Variants in ANAPC5 observed in about 807,000 individuals in gnomAD.
ANAPC5 encodes the protein anaphase promoting complex subunit 5, also known as anaphase-promoting complex subunit 5.
ANAPC5 carries 60 observed loss-of-function variants against 91.3 expected under a neutral mutation model. The ratio of observed to expected loss-of-function variants is 0.66; its 90% CI spans 0.53 to 0.81. The LOEUF (loss-of-function observed/expected upper bound fraction) is 0.81, where lower values mean the gene tolerates loss of function less well. Among genes scored for constraint, ANAPC5 ranks in the 40% least tolerant of loss-of-function variants. The pLI, the probability that ANAPC5 is intolerant of heterozygous loss-of-function variation, is 0.00. For synonymous variants in ANAPC5, 340 were observed against 364.1 expected (o/e 0.93, Z 0.75); for missense variants, 690 against 931.5 (o/e 0.74, Z 3.37).
chr12:121,312,563 C>T (rs893017566), intron 15 of ANAPC5, among the ~76,000 whole-genome samples: 11 of 151,914 alleles, frequency 7.2e-5, no homozygotes, highest in African/African-American at 2.7e-4. Flanking sequence ...AAAAATTAGC[C>T]TGGTGTGGTG....
intron 3 of ANAPC5, 197 bp downstream of exon 3, chr12:121,346,699 A>G (rs1555274720): frequency 2.4e-6 from 1 of 422,156 alleles, no homozygotes; most frequent in Non-Finnish European, 4.2e-6. Flanking sequence ...ACTATTGTAG[A>G]CAAAACAGAA....
chr12:121,327,338 AG>A, intron 10 of ANAPC5, 107 bp from the exon 11 acceptor site: 1 of 1,384,250 alleles, frequency 7.2e-7, no homozygotes, highest in Non-Finnish European at 9.7e-7. Context: ...TACACCTCAC[AG>A]GCTCTGGCTT....
Position 121,335,738 on chromosome 12 carries a change from A to G in ANAPC5, c.760-15T>C, listed in dbSNP as rs1555273401. 1.3e-6 allele frequency: 2 copies of G among 1,597,360 alleles called. No individual in the cohort carries two copies. Among genetic ancestry groups the G allele is most frequent in the Admixed American group, 3.4e-5 (2 of 59,180 alleles). On this transcript the variant is annotated splice_polypyrimidine_tract_variant and intron_variant, in intron 6 of 16. Coordinates refer to ENST00000261819, the MANE Select transcript of ANAPC5 (RefSeq NM_016237.5). The stretch of plus-strand genomic sequence containing the variant: ...CTGAGATAATGCTAAAACAAGAAAT[A>G]ATCAATGTATTTTAAACGCTGTAAA...
upstream of ANAPC5, among the ~76,000 whole-genome samples, chr12:121,354,082 G>A (rs1903999466): frequency 6.7e-6 from 1 of 148,830 alleles, no homozygotes; most frequent in Admixed American, 6.7e-5. Flanking sequence ...TCTACCTCCC[G>A]GGTTCAAGCA....
At chr12:121,318,762 T>G (rs1902471894) in intron 13 of ANAPC5, among the ~76,000 whole-genome samples, 154 bp from the exon 14 acceptor site, 1 of 152,188 alleles carries the variant, frequency 6.6e-6, no homozygotes, top group African/African-American at 2.4e-5. Context: ...GGCTCACACC[T>G]GTAATCCCAG....
At chr12:121,333,423 G>A (rs1215446209) in intron 7 of ANAPC5, 1 of 152,118 alleles carries the variant, frequency 6.6e-6, no homozygotes, top group Non-Finnish European at 1.5e-5. Context: ...AAGTTAAATA[G>A]GTTATTGGTA....
At position 121,330,718 on chromosome 12, in the gene ANAPC5, T is replaced by G. The variant is rs782154458; in HGVS notation, c.1033-46A>C. On this transcript the variant is annotated intron_variant, in intron 8 of 16. Coordinates refer to ENST00000261819, the MANE Select transcript of ANAPC5 (RefSeq NM_016237.5). ...AATATATCATAACAGTGGCAATGGCTGATGTTCTAGTGAAATATCAATGTG... is the reference window on the plus strand; with the variant it reads ...AATATATCATAACAGTGGCAATGGCGGATGTTCTAGTGAAATATCAATGTG... The G allele has an allele frequency of 2.7e-6, 4 of 1,488,240 alleles. No individual in the cohort carries two copies. In the Admixed American group the frequency reaches 6.7e-5, roughly 25 times the overall value. 92.2% of individuals were successfully genotyped at this position (1,488,240 alleles called of 1,614,324 possible). A position where few individuals can be genotyped will look rare whatever the true frequency, so the allele number is the denominator to read the frequency against.
intron 5 of ANAPC5, among the ~76,000 whole-genome samples, chr12:121,339,893 C>G (rs1903380141): frequency 8.1e-6 from 1 of 123,792 alleles, no homozygotes; most frequent in African/African-American, 3.4e-5. Context: ...TTTTTTTTTC[C>G]CAGATGGAGT....
At chr12:121,343,643 A>C (rs1406298090) in intron 4 of ANAPC5, among the ~76,000 whole-genome samples, 3 of 152,244 alleles carry the variant, frequency 2.0e-5, no homozygotes, top group Non-Finnish European at 4.4e-5. Flanking sequence ...TCTTGCTCTC[A>C]ATATGTGCTG....
At chr12:121,316,144 C>T (rs930523972) in intron 15 of ANAPC5, among the ~76,000 whole-genome samples, 19 of 152,188 alleles carry the variant, frequency 1.2e-4, no homozygotes, top group Admixed American at 7.2e-4. Flanking sequence ...TCGGAATAGA[C>T]GTTTCTCCAA....
intron 7 of ANAPC5, 73 bp downstream of exon 7, chr12:121,335,460 C>T: frequency 6.7e-7 from 1 of 1,497,932 alleles, no homozygotes; most frequent in South Asian, 1.3e-5. Context: ...GCCACCGCAC[C>T]AGGCCAAACA....
At chr12:121,341,681 C>G (rs1025018542) in intron 5 of ANAPC5, among the ~76,000 whole-genome samples, 1 of 152,128 alleles carries the variant, frequency 6.6e-6, no homozygotes, top group Middle Eastern at 3.2e-3. Context: ...TTTTCAGGCT[C>G]TCTTTATGTT....
At chr12:121,310,252 A>AAGAG (rs59191226) in intron 15 of ANAPC5, 75,412 of 153,304 alleles carry the variant, frequency 0.49, 22,121 homozygotes, top group African/African-American at 0.84. Flanking sequence ...TTAAAAAAAA[A>AAGAG]AGAGAGAATT....
chr12:121,323,530 C>T (rs1902699262), intron 11 of ANAPC5, among the ~76,000 whole-genome samples: 1 of 152,068 alleles, frequency 6.6e-6, no homozygotes, highest in Non-Finnish European at 1.5e-5. Context: ...CGGGGTTTCA[C>T]CATGTTGCAT....
intron 2 of ANAPC5, 33 bp from the exon 3 acceptor site, chr12:121,347,038 A>G (rs1903694733): frequency 7.2e-7 from 1 of 1,387,884 alleles, no homozygotes; most frequent in Admixed American, 2.0e-5. Context: ...ATATTTTAGA[A>G]AGGCCCTTTG....
In ANAPC5 at chr12:121,352,178, T is replaced by G. The variant is rs781915895; in HGVS notation, c.163A>C (p.Met55Leu). 1.9e-6 allele frequency: 3 copies of G among 1,613,004 alleles called. No homozygotes were observed. Among genetic ancestry groups the G allele is most frequent in the East Asian group, 2.2e-5 (1 of 44,848 alleles). Reference sequence around the variant, plus strand: ...AGCTGGTTGAGCCTCCGCCGCTCCATGAGGCTGACGGCGCCCTCGCCTGTG... The same window carrying G: ...AGCTGGTTGAGCCTCCGCCGCTCCAGGAGGCTGACGGCGCCCTCGCCTGTG... ...SRTGEGAVSL[M>L]ERRRLNQLLL... Residue 55 changes from methionine to leucine, a missense_variant, in exon 1 of 17, where the codon ATG (methionine) becomes CTG (leucine). Around this residue, in one of 5 missense-constraint regions of ANAPC5, gnomAD observed 238 missense variants for 264.9 expected, o/e 0.90. Coordinates refer to ENST00000261819, the MANE Select transcript of ANAPC5 (RefSeq NM_016237.5).
At chr12:121,352,503 G>C (rs1186134461), upstream of ANAPC5, 1 of 600,516 alleles carries the variant, frequency 1.7e-6, no homozygotes, top group African/African-American at 1.9e-5. Context: ...CAGTCTGTCA[G>C]AGCACATGGG....
At chr12:121,338,770 T>C (rs1261999424) in intron 5 of ANAPC5, among the ~76,000 whole-genome samples, 1 of 152,078 alleles carries the variant, frequency 6.6e-6, no homozygotes, top group Non-Finnish European at 1.5e-5. Context: ...TCTGTATGTG[T>C]GTATATATGT....
chr12:121,352,397 A>C lies in ANAPC5; in HGVS notation c.-57T>G, dbSNP rs1555275570. 3.1e-5 allele frequency: 43 copies of C among 1,401,392 alleles called. No homozygotes were observed. Among genetic ancestry groups the C allele is most frequent in the Non-Finnish European group, 4.2e-5 (42 of 1,008,942 alleles). The allele number at this position is 1,401,392 out of a possible 1,614,324, so 86.8% of individuals were successfully genotyped here. On this transcript the variant is annotated 5_prime_UTR_variant, in exon 1 of 17. Coordinates refer to ENST00000261819, the MANE Select transcript of ANAPC5 (RefSeq NM_016237.5). ...CGCGCTGCCGCCAGTTGTCACCACA[A>C]GGCACAACACTACCGGGTCTACATC...
Sources: allele counts gnomAD v4.1 joint callset (sites outside exome capture counted in the v4.1 genomes callset), GRCh38; gene constraint gnomAD v4.1.1; regional missense constraint gnomAD v4.1.1; transcripts MANE v1.5; gene names NCBI Gene and HGNC (gene_info 2026-07-23, HGNC 2026-07-21).